BTBD7: variants seen among roughly 807,000 people sequenced by gnomAD.
The protein encoded by BTBD7 is BTB domain containing 7.
BTBD7 carries 38 observed loss-of-function variants against 99.9 expected under a neutral mutation model. The observed-to-expected ratio is 0.38, with a 90% CI of 0.29 to 0.50. The LOEUF (loss-of-function observed/expected upper bound fraction) is 0.50. Among genes scored for constraint, BTBD7 ranks in the 20% least tolerant of loss-of-function variants. The probability of loss-of-function intolerance (pLI) is 0.93; values close to 1 mark genes in which losing one functional copy is unlikely to be tolerated. For missense variants in BTBD7, 1,170 were observed against 1,394.6 expected, an observed-to-expected ratio of 0.84 and a Z score of 2.57; for synonymous variants, 520 against 511.4, an observed-to-expected ratio of 1.02 and a Z score of -0.23.
chr14:93,294,753 G>C lies in BTBD7; in HGVS notation c.267C>G (p.Leu89=), dbSNP rs774079279. ...SADHAKQMRE[L]LSGWDVRDVN... is the part of the protein sequence containing the mutation. Reference sequence around the variant, plus strand: ...CATCTCTAACATCCCACCCAGAGAGGAGTTCTCGCATCTGCTTGGCATGAT... The same window carrying C: ...CATCTCTAACATCCCACCCAGAGAGCAGTTCTCGCATCTGCTTGGCATGAT... The change falls in exon 3 of 11, where the codon CTC becomes CTG. Residue 89 remains leucine, a synonymous_variant. Transcript: ENST00000334746. 6.2e-7 allele frequency: 1 copy of C among 1,613,940 alleles called. No individual in the cohort carries two copies. The highest frequency in any genetic ancestry group is 1.7e-5 in the Admixed American group (1 of 59,996).
chr14:93,254,195 C>A (rs1566837224), intron 6 of BTBD7, among the ~76,000 whole-genome samples: 2 of 152,178 alleles, frequency 1.3e-5, no homozygotes, highest in East Asian at 3.9e-4. Flanking sequence ...CCTCGGCCTC[C>A]CAAAGTGCTG....
At chr14:93,310,750 C>T (rs1448210887) in intron 1 of BTBD7, among the ~76,000 whole-genome samples, 1 of 138,038 alleles carries the variant, frequency 7.2e-6, no homozygotes, top group Non-Finnish European at 1.6e-5. Flanking sequence ...CAAAAACAAA[C>T]AAACAAAAAA....
At chr14:93,290,596 C>A (rs1403018391) in intron 3 of BTBD7, among the ~76,000 whole-genome samples, 1 of 150,990 alleles carries the variant, frequency 6.6e-6, no homozygotes, top group African/African-American at 2.4e-5. Context: ...TGGCTCACTG[C>A]CACCTCCCGC....
rs1041132592 is a variant in BTBD7 at position 93,317,375 on chromosome 14, T to C, written c.-107+15445A>G. ...GCTAATGTTGATACTTTTTTTTTTT[T>C]TTAAGAGAAACAGGGTTTGGTATGT... On this transcript the variant is annotated intron_variant, in intron 1 of 10. Coordinates refer to ENST00000334746, the MANE Select transcript of BTBD7 (RefSeq NM_001002860.4). Among the ~76,000 whole-genome samples, 15 of 152,020 alleles carry C rather than the reference T, an allele frequency of 9.9e-5. No individual in the cohort carries two copies. The East Asian group carries it at 1.4e-3, about 14-fold the overall frequency.
At position 93,238,473 on chromosome 14, in the gene BTBD7, C is replaced by G. The variant is rs1471553068; in HGVS notation, c.*3800G>C. On this transcript the variant is annotated 3_prime_UTR_variant, in exon 11 of 11. Coordinates refer to ENST00000334746, the MANE Select transcript of BTBD7 (RefSeq NM_001002860.4). The stretch of plus-strand genomic sequence containing the variant: ...ACTTAGTAGACAAAGTAAACCACCA[C>G]AGAACCAGGAATAGCACCCATCACT... 6.6e-6 allele frequency: 1 copy of G among 152,562 alleles called. No homozygotes were observed. The highest frequency in any genetic ancestry group is 2.4e-5 in the African/African-American group (1 of 41,432). 9.5% of individuals were successfully genotyped at this position (152,562 alleles called of 1,614,324 possible).
At chr14:93,311,656 C>T (rs1337281764) in intron 1 of BTBD7, among the ~76,000 whole-genome samples, 1 of 151,928 alleles carries the variant, frequency 6.6e-6, no homozygotes, top group Non-Finnish European at 1.5e-5. Context: ...ATGCAGCCTA[C>T]ATAATAGTTT....
Position 93,332,947 on chromosome 14 carries a change from G to A in BTBD7, c.-234C>T, listed in dbSNP as rs973359783. Reference sequence around the variant, plus strand: ...CGGCCATCCTCCTCCCACCGCCGCCGCCGCCGCCCTCTCCTCTCCTGTCAG... The same window carrying A: ...CGGCCATCCTCCTCCCACCGCCGCCACCGCCGCCCTCTCCTCTCCTGTCAG... On this transcript the variant is annotated 5_prime_UTR_variant, in exon 1 of 11. Coordinates refer to ENST00000334746, the MANE Select transcript of BTBD7 (RefSeq NM_001002860.4). 2.7e-4 allele frequency: 216 copies of A among 799,216 alleles called. No individual in the cohort carries two copies. Among genetic ancestry groups the A allele is most frequent in the Non-Finnish European group, 3.7e-4 (200 of 547,558 alleles). The allele number at this position is 799,216 out of a possible 1,614,324, so 49.5% of individuals were successfully genotyped here.
chr14:93,300,135 A>G (rs1160745543), intron 1 of BTBD7, among the ~76,000 whole-genome samples: 4 of 152,136 alleles, frequency 2.6e-5, no homozygotes, highest in African/African-American at 9.7e-5. Context: ...TGTAATCTCT[A>G]TGGGCCTCAG....
At chr14:93,310,552 G>A (rs948930300) in intron 1 of BTBD7, among the ~76,000 whole-genome samples, 5 of 152,110 alleles carry the variant, frequency 3.3e-5, no homozygotes, top group East Asian at 1.9e-4. Flanking sequence ...AGAGACCAGC[G>A]TGGGTAACGT....
chr14:93,300,783 TA>T (rs61569422), intron 1 of BTBD7, among the ~76,000 whole-genome samples: 977 of 68,534 alleles, frequency 0.014, 116 homozygotes, highest in Middle Eastern at 0.056. Flanking sequence ...TATATATATA[TA>T]TATTTTTTTT....
intron 3 of BTBD7, among the ~76,000 whole-genome samples, chr14:93,266,875 G>A (rs537356588): frequency 6.6e-6 from 1 of 152,212 alleles, no homozygotes; most frequent in African/African-American, 2.4e-5. Flanking sequence ...ACCCAAAGGC[G>A]TGAAGATGTG....
intron 1 of BTBD7, among the ~76,000 whole-genome samples, chr14:93,313,312 T>C (rs1244127411): frequency 2.0e-5 from 3 of 152,220 alleles, no homozygotes; most frequent in African/African-American, 2.4e-5. Context: ...TTTCTATTCA[T>C]GTTAAATGAA....
intron 10 of BTBD7, among the ~76,000 whole-genome samples, chr14:93,245,546 C>G (rs1463154112): frequency 6.6e-6 from 1 of 152,176 alleles, no homozygotes; most frequent in South Asian, 2.1e-4. Context: ...TTATGTTGCT[C>G]AGTAACCCCA....
At chr14:93,332,388 C>T (rs2053446707) in intron 1 of BTBD7, 2 of 152,984 alleles carry the variant, frequency 1.3e-5, no homozygotes, top group Admixed American at 1.3e-4. Context: ...ACGCCCACCC[C>T]TGGCGGTCGC....
chr14:93,268,868 C>T (rs1183269696), intron 3 of BTBD7, among the ~76,000 whole-genome samples: 2 of 151,458 alleles, frequency 1.3e-5, no homozygotes, highest in Non-Finnish European at 2.9e-5. Context: ...AAGGGATTCT[C>T]CCGTCTCAGC....
chr14:93,288,852 T>C, intron 3 of BTBD7: 1 of 1,214,320 alleles, frequency 8.2e-7, no homozygotes, highest in Middle Eastern at 2.0e-4. Flanking sequence ...TTTCTTCTTG[T>C]ATTTGCCTGG....
rs531220881 is a variant in BTBD7, at chr14:93,253,177, T to A, written c.1752+470A>T. Among the ~76,000 whole-genome samples the A allele has an allele frequency of 2.6e-5, 4 of 152,338 alleles. No homozygotes were observed. In the East Asian group the frequency reaches 7.7e-4, roughly 29 times the overall value. On this transcript the variant is annotated intron_variant, in intron 7 of 10. Coordinates refer to ENST00000334746, the MANE Select transcript of BTBD7 (RefSeq NM_001002860.4). ...AACTAGTTACTTAACAGGCCTGAAA[T>A]TTTTTCTTAGTTTGTGCATTTATTC...
At chr14:93,317,696 G>A (rs1366824472) in intron 1 of BTBD7, among the ~76,000 whole-genome samples, 3 of 152,190 alleles carry the variant, frequency 2.0e-5, no homozygotes, top group Non-Finnish European at 2.9e-5. Context: ...ATGGCCCTTG[G>A]CAGGTCTCTG....
chr14:93,331,887 C>T (rs145644825), intron 1 of BTBD7, among the ~76,000 whole-genome samples: 2 of 147,736 alleles, frequency 1.4e-5, no homozygotes, highest in Non-Finnish European at 3.0e-5. Context: ...TCTCCCCCCC[C>T]CCAAAAAGGT....
Sources: gnomAD v4.1 joint callset for allele counts (sites outside exome capture counted in the v4.1 genomes callset) on GRCh38, gnomAD v4.1.1 for gene constraint, MANE v1.5 for transcripts, NCBI Gene and HGNC (gene_info 2026-07-23, HGNC 2026-07-21) for gene names.